The following DNAH14 variants were observed in gnomAD, a reference collection of about 807,000 sequenced individuals.
DNAH14 encodes axonemal beta dynein heavy chain 14.
In DNAH14, 478 loss-of-function variants were observed where a neutral mutation model predicts 520.9. The observed-to-expected ratio is 0.92, with a 90% CI of 0.85 to 0.99. DNAH14 has a LOEUF of 0.99. DNAH14 is among the 50% of genes least tolerant of loss of function. The pLI, the probability that DNAH14 is intolerant of heterozygous loss-of-function variation, is 0.00. For synonymous variants in DNAH14, 1,581 were observed against 1,757.2 expected, an observed-to-expected ratio of 0.90 and a Z score of 2.51; for missense variants, 4,831 against 5,234.5, an observed-to-expected ratio of 0.92 and a Z score of 2.38.
chr1:225,206,856 C>A, intron 40 of DNAH14, 112 bp from the exon 41 acceptor site: 2 of 957,534 alleles, frequency 2.1e-6, no homozygotes, highest in Non-Finnish European at 2.9e-6. Flanking sequence ...AATGACAATT[C>A]TAAGTCATAT....
intron 43 of DNAH14, among the ~76,000 whole-genome samples, chr1:225,241,464 G>A (rs2091960115): frequency 6.6e-6 from 1 of 152,166 alleles, no homozygotes; most frequent in South Asian, 2.1e-4. Flanking sequence ...TTTGTCTGAT[G>A]TACTTGTTTG....
intron 65 of DNAH14, among the ~76,000 whole-genome samples, chr1:225,332,630 G>C (rs1175704613): frequency 1.3e-5 from 2 of 152,090 alleles, no homozygotes; most frequent in Non-Finnish European, 2.9e-5. Context: ...AATATGGGTT[G>C]TTGTTGCTGT....
intron 23 of DNAH14, among the ~76,000 whole-genome samples, chr1:225,113,766 C>G (rs2076660102): frequency 6.6e-6 from 1 of 152,228 alleles, no homozygotes; most frequent in Non-Finnish European, 1.5e-5. Flanking sequence ...CTCACCACCA[C>G]AAGTCCATAG....
chr1:225,003,177 G>A (rs1363318536), intron 9 of DNAH14, among the ~76,000 whole-genome samples: 2 of 151,710 alleles, frequency 1.3e-5, no homozygotes, highest in Non-Finnish European at 2.9e-5. Flanking sequence ...ATGTATTTCC[G>A]AATGTGTAAT....
chr1:224,972,997 G>C (rs1279169557), intron 7 of DNAH14, among the ~76,000 whole-genome samples: 1 of 152,124 alleles, frequency 6.6e-6, no homozygotes, highest in South Asian at 2.1e-4. Flanking sequence ...GTTCCCCTCT[G>C]ATTCTTATGG....
At chr1:225,371,893 A>G (rs144429513) in intron 77 of DNAH14, among the ~76,000 whole-genome samples, 1 of 152,278 alleles carries the variant, frequency 6.6e-6, no homozygotes, top group East Asian at 1.9e-4. Flanking sequence ...AATTAGGGAG[A>G]AAAGAGTCAT....
chr1:225,000,910 C>T (rs1370801461), intron 8 of DNAH14, among the ~76,000 whole-genome samples: 2 of 152,028 alleles, frequency 1.3e-5, no homozygotes, highest in South Asian at 2.1e-4. Context: ...TGTCCAAGCT[C>T]CCTACTTCAG....
intron 78 of DNAH14, 25 bp downstream of exon 78, chr1:225,374,910 C>A: frequency 6.7e-7 from 1 of 1,497,002 alleles, no homozygotes; most frequent in Non-Finnish European, 9.0e-7. Flanking sequence ...AATCTTCTTG[C>A]ATTTCTCGAT....
At chr1:225,090,898 G>T (rs185829724) in intron 21 of DNAH14, among the ~76,000 whole-genome samples, 1 of 152,020 alleles carries the variant, frequency 6.6e-6, no homozygotes, top group African/African-American at 2.4e-5. Flanking sequence ...TTAAAAATTC[G>T]TGCTCCTATA....
chr1:225,149,473 T>C (rs1223336701), intron 31 of DNAH14, among the ~76,000 whole-genome samples: 1 of 152,226 alleles, frequency 6.6e-6, no homozygotes, highest in African/African-American at 2.4e-5. Context: ...AATTAAAATG[T>C]CACTGGTAAT....
intron 36 of DNAH14, among the ~76,000 whole-genome samples, chr1:225,177,548 GA>G (rs1321955696): frequency 6.6e-6 from 1 of 152,100 alleles, no homozygotes; most frequent in African/African-American, 2.4e-5. Flanking sequence ...GGCCTAGGAA[GA>G]AAAAATGGTT....
chr1:225,242,765 T>C (rs2092042306), intron 43 of DNAH14, among the ~76,000 whole-genome samples: 2 of 152,254 alleles, frequency 1.3e-5, no homozygotes, highest in African/African-American at 4.8e-5. Context: ...GATAATTGTA[T>C]ATGCAACTGG....
intron 36 of DNAH14, among the ~76,000 whole-genome samples, chr1:225,169,600 C>T (rs2149212705): frequency 6.6e-6 from 1 of 152,240 alleles, no homozygotes; most frequent in East Asian, 1.9e-4. Context: ...TGAACAAAGC[C>T]TCCAAGAAAT....
chr1:224,971,331 A>G (rs1053387372), intron 7 of DNAH14, among the ~76,000 whole-genome samples: 2 of 152,170 alleles, frequency 1.3e-5, no homozygotes, highest in African/African-American at 2.4e-5. Flanking sequence ...TTTAATATGT[A>G]AATAGCTTAA....
At position 225,007,425 on chromosome 1, in the gene DNAH14, C is replaced by T. The variant is rs780894940; in HGVS notation, c.988C>T (p.Arg330Ter). The T allele has an allele frequency of 2.9e-5, 45 of 1,534,896 alleles. No homozygotes were observed. Among genetic ancestry groups the T allele is most frequent in the Admixed American group, 4.0e-5 (2 of 49,726 alleles). ...AICLVKLDSS[R>*]TYSLDEFCEE... is the part of the protein sequence containing the mutation. ...ATCATCTAATTAGCTGGATAGTTCT[C>T]GAACATATTCTCTAGATGAATTTTG... Residue 330 changes from arginine to a stop codon, truncating the protein, a stop_gained, in exon 10 of 86, where the codon CGA (arginine) becomes TGA (stop). Transcript: ENST00000682510. LOFTEE classifies it high-confidence loss of function.
At chr1:225,265,989 G>A (rs1010478141) in intron 48 of DNAH14, among the ~76,000 whole-genome samples, 4 of 151,962 alleles carry the variant, frequency 2.6e-5, no homozygotes, top group African/African-American at 9.7e-5. Context: ...ATGTCTATTT[G>A]TGGGTTTTTT....
chr1:225,249,952 A>G (rs532924655), intron 43 of DNAH14, among the ~76,000 whole-genome samples: 1 of 152,378 alleles, frequency 6.6e-6, no homozygotes, highest in African/African-American at 2.4e-5. Flanking sequence ...CTATGAATAT[A>G]TCACATCTTG....
At chr1:225,257,545 CT>C (rs980562680) in intron 44 of DNAH14, among the ~76,000 whole-genome samples, 154 of 144,178 alleles carry the variant, frequency 1.1e-3, no homozygotes, top group Non-Finnish European at 1.2e-3. Context: ...TTTTTTCTTT[CT>C]TTTTTTTTTT....
chr1:225,242,391 C>T (rs1017224692), intron 43 of DNAH14, among the ~76,000 whole-genome samples: 41 of 152,080 alleles, frequency 2.7e-4, no homozygotes, highest in African/African-American at 9.4e-4. Context: ...TATCTTTATT[C>T]TGTTTTTATA....
Sources: gnomAD v4.1 joint callset for allele counts (sites outside exome capture counted in the v4.1 genomes callset) on GRCh38, gnomAD v4.1.1 for gene constraint, MANE v1.5 for transcripts, NCBI Gene and HGNC (gene_info 2026-07-23, HGNC 2026-07-21) for gene names.